The following TSEN15 variants were observed in gnomAD, a reference collection of about 807,000 sequenced individuals.
The protein encoded by TSEN15 is tRNA splicing endonuclease subunit 15.
Under a neutral mutation model 20.5 loss-of-function variants are expected in TSEN15, and 10 were observed. That is an observed-to-expected ratio of 0.49 (90% confidence interval 0.30 to 0.83). The LOEUF (loss-of-function observed/expected upper bound fraction) is 0.83, where lower values mean the gene tolerates loss of function less well. Among genes scored for constraint, TSEN15 ranks in the 40% least tolerant of loss-of-function variants. The pLI, the probability that TSEN15 is intolerant of heterozygous loss-of-function variation, is 0.06. For missense variants in TSEN15, 180 were observed against 218.6 expected (o/e 0.82, Z 1.11); for synonymous variants, 72 against 80.1 (o/e 0.90, Z 0.54).
chr1:184,086,916 A>C (rs1651271865), intron 3 of TSEN15, among the ~76,000 whole-genome samples: 1 of 152,140 alleles, frequency 6.6e-6, no homozygotes, highest in Admixed American at 6.5e-5. Context: ...TTACCTTTTG[A>C]AAGGGGGGAG....
At chr1:184,053,431 T>C (rs756899582) in intron 1 of TSEN15, among the ~76,000 whole-genome samples, 1 of 152,212 alleles carries the variant, frequency 6.6e-6, no homozygotes, top group Non-Finnish European at 1.5e-5. Flanking sequence ...ACCAAAGCCT[T>C]GTAACCTGGC....
At chr1:184,058,238 T>G (rs1218145489) in intron 3 of TSEN15, 1 of 416,010 alleles carries the variant, frequency 2.4e-6, no homozygotes, top group East Asian at 7.3e-5. Context: ...GAATGATAAC[T>G]TGGTAAGCCA....
At chr1:184,064,998 T>C (rs1650594323) in intron 3 of TSEN15, among the ~76,000 whole-genome samples, 2 of 152,236 alleles carry the variant, frequency 1.3e-5, no homozygotes, top group South Asian at 2.1e-4. Context: ...CAGACTCATA[T>C]ATGTAAGTGC....
chr1:184,054,395 A>C lies in TSEN15; in HGVS notation c.177A>C (p.Gln59His), dbSNP rs1046934. The C allele has an allele frequency of 0.34, 537,975 of 1,603,524 alleles. 93,647 individuals are homozygous for C. The highest frequency in any genetic ancestry group is 0.46 in the East Asian group (20,587 of 44,716). ...MMELDIGDATQVYVAFLVYLD... is the reference protein window; with the variant it reads ...MMELDIGDATHVYVAFLVYLD... ...AATTAGATATAGGAGATGCCACCCAAGTTTATGTAGCGTTCTTGGTTTACC... is the reference window on the plus strand; with the variant it reads ...AATTAGATATAGGAGATGCCACCCACGTTTATGTAGCGTTCTTGGTTTACC... The change falls in exon 2 of 5, where the codon CAA becomes CAC. Residue 59 changes from glutamine (Q) to histidine (H), a missense_variant. By Grantham distance (24) the Gln-to-His change is conservative (BLOSUM62 0). Transcript: ENST00000645668.
rs573736844 is a variant in TSEN15, at chr1:184,051,853, G to C, written c.98G>C (p.Trp33Ser). The C allele has an allele frequency of 6.4e-7, 1 of 1,552,520 alleles. No individual in the cohort carries two copies. The highest frequency in any genetic ancestry group is 1.2e-5 in the South Asian group (1 of 83,444). Reference protein sequence around the residue: ...GFGDGGGAPSWAPEDAWMGTH... With the variant: ...GFGDGGGAPSSAPEDAWMGTH... ...GGCGACGGCGGTGGAGCTCCTTCGTGGGCCCCTGAGGACGCCTGGATGGGC... is the reference window on the plus strand; with the variant it reads ...GGCGACGGCGGTGGAGCTCCTTCGTCGGCCCCTGAGGACGCCTGGATGGGC... Residue 33 changes from tryptophan (W) to serine (S), a missense_variant, in exon 1 of 5, where the codon TGG becomes TCG. Transcript: ENST00000645668.
intron 3 of TSEN15, among the ~76,000 whole-genome samples, chr1:184,067,007 A>G (rs2102889477): frequency 6.6e-6 from 1 of 152,290 alleles, no homozygotes; most frequent in Non-Finnish European, 1.5e-5. Context: ...ATACCTAAAT[A>G]TTTATCTTTT....
downstream of TSEN15, among the ~76,000 whole-genome samples, chr1:184,078,046 G>A (rs151274326): frequency 1.1e-3 from 163 of 152,216 alleles, no homozygotes; most frequent in African/African-American, 3.9e-3. Flanking sequence ...TAGCATCAGA[G>A]TCTACAGAGA....
intron 3 of TSEN15, among the ~76,000 whole-genome samples, chr1:184,091,612 G>A (rs889825770): frequency 6.6e-6 from 1 of 152,080 alleles, no homozygotes; most frequent in Non-Finnish European, 1.5e-5. Context: ...TAAGAGCTGT[G>A]TGTCACTCCT....
chr1:184,056,847 G>C (rs1429422340), intron 3 of TSEN15, among the ~76,000 whole-genome samples: 1 of 152,014 alleles, frequency 6.6e-6, no homozygotes, highest in Non-Finnish European at 1.5e-5. Context: ...CAGTTTATCT[G>C]TCCTTTTGCC....
intron 3 of TSEN15, among the ~76,000 whole-genome samples, chr1:184,062,097 A>G (rs1448035076): frequency 6.6e-6 from 1 of 152,074 alleles, no homozygotes; most frequent in Non-Finnish European, 1.5e-5. Flanking sequence ...TAAAGTGCCC[A>G]TTTCTGATTA....
At chr1:184,080,627 A>G (rs1163881239) in intron 3 of TSEN15, among the ~76,000 whole-genome samples, 3 of 152,208 alleles carry the variant, frequency 2.0e-5, no homozygotes, top group African/African-American at 7.2e-5. Flanking sequence ...TTCATAAGCA[A>G]TATATTTACA....
Position 184,051,792 on chromosome 1 carries a change from T to C in TSEN15, c.37T>C (p.Cys13Arg). 1 of 1,523,968 alleles carries C rather than the reference T, an allele frequency of 6.6e-7. No individual in the cohort carries two copies. The highest frequency in any genetic ancestry group is 8.8e-7 in the Non-Finnish European group (1 of 1,136,152). 94.4% of individuals were successfully genotyped at this position (1,523,968 alleles called of 1,614,324 possible). A position where few individuals can be genotyped will look rare whatever the true frequency, so the allele number is the denominator to read the frequency against. The change falls in exon 1 of 5, where the codon TGC (cysteine) becomes CGC (arginine). Residue 13 changes from cysteine (C) to arginine (R), a missense_variant. Cys to Arg is a radical substitution (Grantham distance 180, BLOSUM62 -3). This residue lies in a region of TSEN15 where 76 missense variants were observed against 66.5 expected (regional missense o/e 1.14). Coordinates refer to ENST00000645668, the MANE Select transcript of TSEN15 (RefSeq NM_052965.4). ...ERGDSEPTPG[C>R]SGLGPGGVRG... ...CGGCGATTCCGAGCCGACCCCCGGC[T>C]GCAGCGGCCTGGGTCCGGGCGGTGT... is the stretch of plus-strand genomic sequence containing the variant.
intron 3 of TSEN15, among the ~76,000 whole-genome samples, chr1:184,064,096 C>G (rs547365053): frequency 6.6e-6 from 1 of 151,870 alleles, no homozygotes; most frequent in East Asian, 1.9e-4. Context: ...CTACAAGATG[C>G]TAACAGTCTG....
At chr1:184,062,062 A>G (rs1650476057) in intron 3 of TSEN15, among the ~76,000 whole-genome samples, 1 of 152,108 alleles carries the variant, frequency 6.6e-6, no homozygotes, top group African/African-American at 2.4e-5. Context: ...TTATTTCCTG[A>G]TCTGTAATGG....
At chr1:184,067,944 ATATATATATATATAT>A (rs1650741874) in intron 3 of TSEN15, among the ~76,000 whole-genome samples, 1 of 70,106 alleles carries the variant, frequency 1.4e-5, no homozygotes, top group Non-Finnish European at 2.7e-5. Flanking sequence ...AAAAAAAAAT[ATATATATATATATAT>A]ATATATATAT....
chr1:184,054,453 A>G lies in TSEN15; in HGVS notation c.217+18A>G. On this transcript the variant is annotated intron_variant, in intron 2 of 4. Coordinates refer to ENST00000645668, the MANE Select transcript of TSEN15 (RefSeq NM_052965.4). ...CATGGAAAGTAAGTTGTTTGTTTAT[A>G]TTGTTTTGTTATTGGGACTGTGGTA... 3.2e-6 allele frequency: 5 copies of G among 1,583,944 alleles called. No individual in the cohort carries two copies. The South Asian group carries it at 3.3e-5, about 11-fold the overall frequency.
chr1:184,077,273 A>G (rs1380364085), downstream of TSEN15, among the ~76,000 whole-genome samples: 1 of 152,166 alleles, frequency 6.6e-6, no homozygotes, highest in Non-Finnish European at 1.5e-5. Context: ...ATACTCTATA[A>G]GTGGAACAAT....
At chr1:184,074,228 G>A (rs1318499921), downstream of TSEN15, 1 of 152,126 alleles carries the variant, frequency 6.6e-6, no homozygotes, top group Non-Finnish European at 1.5e-5. Flanking sequence ...CTTGAAATCT[G>A]TATTAGTTAT....
intron 3 of TSEN15, chr1:184,094,690 C>T (rs1651417107): frequency 4.0e-6 from 1 of 248,050 alleles, no homozygotes; most frequent in East Asian, 7.6e-5. Context: ...AAGGCTGTCT[C>T]TCTCACTACT....
Sources: gnomAD v4.1 joint callset for allele counts (sites outside exome capture counted in the v4.1 genomes callset) on GRCh38, gnomAD v4.1.1 for gene constraint, gnomAD v4.1.1 regional missense constraint, MANE v1.5 for transcripts, NCBI Gene and HGNC (gene_info 2026-07-23, HGNC 2026-07-21) for gene names.